Variants in SGCZ observed in about 807,000 individuals in gnomAD.
The protein encoded by SGCZ is sarcoglycan zeta.
SGCZ carries 40 observed loss-of-function variants against 41.3 expected under a neutral mutation model. The ratio of observed to expected loss-of-function variants is 0.97; its 90% CI spans 0.75 to 1.26. The LOEUF (loss-of-function observed/expected upper bound fraction) is 1.26. Among genes scored for constraint, SGCZ ranks in the 50% most tolerant of loss-of-function variants. SGCZ has a pLI of 0.00. For missense variants in SGCZ, 552 were observed against 369.8 expected, an observed-to-expected ratio of 1.49 and a Z score of -4.04; for synonymous variants, 206 against 137.5, an observed-to-expected ratio of 1.50 and a Z score of -3.49.
chr8:14,100,738 T>C (rs1801994754), intron 7 of SGCZ, among the ~76,000 whole-genome samples: 1 of 151,700 alleles, frequency 6.6e-6, no homozygotes, highest in East Asian at 1.9e-4. Context: ...AAATGTATAA[T>C]TACAATTCAT....
chr8:14,266,351 T>C (rs1221301010), intron 3 of SGCZ, among the ~76,000 whole-genome samples: 1 of 152,100 alleles, frequency 6.6e-6, no homozygotes, highest in Non-Finnish European at 1.5e-5. Flanking sequence ...TTGGAATCAA[T>C]ATGATGATAA....
rs576846510 is a variant in SGCZ, at chr8:14,687,853, C to T, written c.40-132927G>A. ...CTATTTCTCCACATCCTCTCCAGCA[C>T]CTGTTGTTTCCTGACTTTTTAATGA... On this transcript the variant is annotated intron_variant, in intron 1 of 7. Transcript: ENST00000382080. Among the ~76,000 whole-genome samples, 11 of 152,216 alleles carry T rather than the reference C, an allele frequency of 7.2e-5. No homozygotes were observed. In the South Asian group the frequency reaches 1.5e-3, roughly 20 times the overall value.
chr8:14,894,602 T>G (rs547785102), intron 1 of SGCZ, among the ~76,000 whole-genome samples: 2 of 152,278 alleles, frequency 1.3e-5, no homozygotes, highest in African/African-American at 4.8e-5. Flanking sequence ...ACACAGTTTT[T>G]CATACCCCGA....
intron 1 of SGCZ, among the ~76,000 whole-genome samples, chr8:14,592,106 G>C (rs1213836530): frequency 2.6e-5 from 4 of 152,084 alleles, no homozygotes; most frequent in Admixed American, 6.6e-5. Flanking sequence ...GGAAAATTTT[G>C]CTTTTCCCAC....
At chr8:14,569,723 C>A (rs767381751) in intron 1 of SGCZ, among the ~76,000 whole-genome samples, 2 of 152,142 alleles carry the variant, frequency 1.3e-5, no homozygotes, top group Non-Finnish European at 2.9e-5. Context: ...TTAGATAGGG[C>A]AGCCTGTCGA....
intron 1 of SGCZ, among the ~76,000 whole-genome samples, chr8:15,043,758 A>G (rs1252929820): frequency 6.6e-6 from 1 of 152,174 alleles, no homozygotes; most frequent in African/African-American, 2.4e-5. Flanking sequence ...ATAATAAAAT[A>G]AAATTTGTGA....
intron 1 of SGCZ, among the ~76,000 whole-genome samples, chr8:15,050,511 G>A (rs184075086): frequency 2.0e-5 from 3 of 152,308 alleles, no homozygotes; most frequent in Admixed American, 2.0e-4. Flanking sequence ...AAGCAAAGAA[G>A]ACAACATGTG....
intron 2 of SGCZ, among the ~76,000 whole-genome samples, chr8:14,372,481 T>A (rs750888494): frequency 6.6e-5 from 10 of 152,078 alleles, no homozygotes; most frequent in Admixed American, 3.3e-4. Context: ...TTTGGTGAGG[T>A]GAGAAAGAAA....
chr8:14,174,064 A>T (rs922210350), intron 4 of SGCZ, among the ~76,000 whole-genome samples: 4 of 152,114 alleles, frequency 2.6e-5, no homozygotes, highest in African/African-American at 9.7e-5. Flanking sequence ...TTCAAACAAC[A>T]TGAAAAGTAA....
chr8:14,877,986 T>G (rs1208558763), intron 1 of SGCZ, among the ~76,000 whole-genome samples: 1 of 152,076 alleles, frequency 6.6e-6, no homozygotes, highest in Non-Finnish European at 1.5e-5. Context: ...AATATCCTTT[T>G]AAACAAATCT....
intron 2 of SGCZ, among the ~76,000 whole-genome samples, chr8:14,432,386 G>A (rs1799967440): frequency 1.3e-5 from 2 of 152,162 alleles, no homozygotes; most frequent in Admixed American, 6.5e-5. Context: ...CAGTGACCTC[G>A]ATGAGACTGG....
intron 1 of SGCZ, among the ~76,000 whole-genome samples, chr8:15,174,964 G>A (rs967407856): frequency 1.3e-5 from 2 of 152,080 alleles, no homozygotes; most frequent in East Asian, 1.9e-4. Flanking sequence ...TAAAATCAGG[G>A]AAGGGAGAGC....
At chr8:14,535,554 G>A (rs1055867597) in intron 2 of SGCZ, among the ~76,000 whole-genome samples, 1 of 151,830 alleles carries the variant, frequency 6.6e-6, no homozygotes, top group East Asian at 1.9e-4. Flanking sequence ...ACTTAAATGT[G>A]TAGGAAACAA....
At chr8:14,750,523 C>T (rs556830380) in intron 1 of SGCZ, among the ~76,000 whole-genome samples, 1 of 152,118 alleles carries the variant, frequency 6.6e-6, no homozygotes, top group Non-Finnish European at 1.5e-5. Context: ...CTTTTATTAT[C>T]ATGGAAGATA....
chr8:14,777,144 G>A (rs2130421366), intron 1 of SGCZ, among the ~76,000 whole-genome samples: 1 of 152,228 alleles, frequency 6.6e-6, no homozygotes, highest in East Asian at 1.9e-4. Flanking sequence ...CTCAAGATGT[G>A]GCATTTGAAA....
chr8:14,345,701 G>T (rs965379008), intron 2 of SGCZ, among the ~76,000 whole-genome samples: 12 of 152,120 alleles, frequency 7.9e-5, no homozygotes, highest in Admixed American at 3.3e-4. Flanking sequence ...AAGAGAAAAA[G>T]GTTCAACTCT....
At chr8:15,215,558 T>C (rs1245572450) in intron 1 of SGCZ, among the ~76,000 whole-genome samples, 2 of 152,176 alleles carry the variant, frequency 1.3e-5, no homozygotes, top group African/African-American at 2.4e-5. Flanking sequence ...TAGCTCAGGA[T>C]GATCAGGGCC....
At chr8:14,257,700 T>C (rs940603523) in intron 3 of SGCZ, among the ~76,000 whole-genome samples, 1 of 151,068 alleles carries the variant, frequency 6.6e-6, no homozygotes, top group Non-Finnish European at 1.5e-5. Context: ...TTCTCATGGT[T>C]GAATTCCCAC....
At chr8:14,747,606 A>G (rs1799371806) in intron 1 of SGCZ, among the ~76,000 whole-genome samples, 1 of 151,798 alleles carries the variant, frequency 6.6e-6, no homozygotes, top group Non-Finnish European at 1.5e-5. Context: ...GATGAAAACC[A>G]TTAAAATGAC....
Sources: allele counts gnomAD v4.1 joint callset (sites outside exome capture counted in the v4.1 genomes callset), GRCh38; gene constraint gnomAD v4.1.1; transcripts MANE v1.5; gene names NCBI Gene and HGNC (gene_info 2026-07-23, HGNC 2026-07-21).